UBR1: variants seen among roughly 807,000 people sequenced by gnomAD.
UBR1 encodes the protein ubiquitin protein ligase E3 component n-recognin 1, also known as E3 ubiquitin-protein ligase UBR1.
In UBR1, 102 loss-of-function variants were observed where a neutral mutation model predicts 242.1. The ratio of observed to expected loss-of-function variants is 0.42; its 90% CI spans 0.36 to 0.50. The LOEUF (loss-of-function observed/expected upper bound fraction) is 0.50, where lower values mean the gene tolerates loss of function less well. Ranked by LOEUF, UBR1 falls within the 20% of genes least tolerant of loss-of-function variation. UBR1 has a pLI of 0.01. For synonymous variants in UBR1, 675 were observed against 684.8 expected (o/e 0.99, Z 0.22); for missense variants, 1,772 against 2,101.8 (o/e 0.84, Z 3.07).
intron 43 of UBR1, among the ~76,000 whole-genome samples, chr15:42,959,598 T>C (rs1019476509): frequency 1.3e-5 from 2 of 152,314 alleles, no homozygotes; most frequent in Non-Finnish European, 2.9e-5. Context: ...GCTGGGTAAA[T>C]AGCAGATGTA....
chr15:42,947,955 A>C (rs1180214638), intron 46 of UBR1, among the ~76,000 whole-genome samples: 1 of 152,172 alleles, frequency 6.6e-6, no homozygotes, highest in Non-Finnish European at 1.5e-5. Context: ...ATATGGAACC[A>C]AAAAAGAGCC....
chr15:43,078,597 T>G (rs921216184), intron 3 of UBR1, among the ~76,000 whole-genome samples: 1 of 152,118 alleles, frequency 6.6e-6, no homozygotes, highest in Admixed American at 6.5e-5. Flanking sequence ...AACACAATGC[T>G]CCAAACTCAA....
In UBR1 at chr15:43,022,718, A is replaced by G. The variant is rs149061186; in HGVS notation, c.2823T>C (p.Phe941=). The stretch of plus-strand genomic sequence containing the variant: ...CAAACATACTTGAAGCCTTATGATA[A>G]AAGTCAAATGTTACTTCTTCTTCAG... ...KAPEEEVTFD[F]YHKASRLGSS... is the part of the protein sequence containing the mutation. Residue 941 remains phenylalanine (F), a synonymous_variant, in exon 26 of 47, where the codon TTT becomes TTC. Transcript: ENST00000290650. 971 of 1,611,314 alleles carry G rather than the reference A, an allele frequency of 6.0e-4. 1 individual carries two copies. The Middle Eastern group carries it at 0.01, about 17-fold the overall frequency.
At chr15:43,086,293 A>G in intron 1 of UBR1, 53 bp from the exon 2 acceptor site, 1 of 1,588,002 alleles carries the variant, frequency 6.3e-7, no homozygotes, top group Non-Finnish European at 8.6e-7. Context: ...CTTCTTAATC[A>G]TCTAGGGGCA....
chr15:42,948,167 A>T (rs1309632895), intron 46 of UBR1, among the ~76,000 whole-genome samples: 3 of 152,210 alleles, frequency 2.0e-5, no homozygotes, highest in Admixed American at 6.5e-5. Context: ...CCTGAGAAAA[A>T]CAAGCAATGG....
rs182940505 is a variant in UBR1, at chr15:43,078,085, G to C, written c.418-2996C>G. Among the ~76,000 whole-genome samples the C allele has an allele frequency of 3.9e-5, 6 of 152,284 alleles. No homozygotes were observed. The East Asian group carries it at 1.2e-3, about 29-fold the overall frequency. ...GGAGCTTAAAAGACTCCATGAAAAA[G>C]TACAGAGGTGCAGAGGACTTAGAAG... On this transcript the variant is annotated intron_variant, in intron 3 of 46. Transcript: ENST00000290650.
intron 37 of UBR1, among the ~76,000 whole-genome samples, chr15:42,980,530 T>G (rs780750981): frequency 8.5e-5 from 13 of 152,136 alleles, no homozygotes; most frequent in Non-Finnish European, 1.5e-4. Context: ...TAGATTTTAT[T>G]TAAAAATTCT....
intron 40 of UBR1, among the ~76,000 whole-genome samples, chr15:42,967,058 T>C (rs570062872): frequency 5.7e-4 from 86 of 151,844 alleles, no homozygotes; most frequent in Admixed American, 4.8e-3. Flanking sequence ...TATCTGGGAC[T>C]AAAGGCACAC....
intron 1 of UBR1, chr15:43,092,036 A>G (rs1425263184): frequency 4.4e-6 from 2 of 454,310 alleles, no homozygotes; most frequent in Non-Finnish European, 8.8e-6. Flanking sequence ...GTGAGCGGAG[A>G]TCATGCCACT....
chr15:43,092,642 C>T (rs1217639507), intron 1 of UBR1, among the ~76,000 whole-genome samples: 1 of 152,112 alleles, frequency 6.6e-6, no homozygotes, highest in Non-Finnish European at 1.5e-5. Context: ...CAACCTCTGC[C>T]CCCTGGGTTC....
At chr15:43,080,727 G>C (rs977667884) in intron 3 of UBR1, among the ~76,000 whole-genome samples, 6 of 152,144 alleles carry the variant, frequency 3.9e-5, no homozygotes, top group Admixed American at 6.5e-5. Context: ...GGCCGAGGTG[G>C]GTGGATCACT....
At chr15:43,018,159 C>T (rs926166080) in intron 27 of UBR1, among the ~76,000 whole-genome samples, 3 of 151,802 alleles carry the variant, frequency 2.0e-5, no homozygotes, top group African/African-American at 4.8e-5. Flanking sequence ...CCCGCCATAA[C>T]GCCCGGCTAA....
chr15:43,044,726 A>G (rs1255328016), intron 14 of UBR1, among the ~76,000 whole-genome samples: 2 of 152,132 alleles, frequency 1.3e-5, no homozygotes, highest in African/African-American at 4.8e-5. Context: ...CCCCGTCTCT[A>G]CTAAAAAATA....
chr15:42,996,674 C>T lies in UBR1; in HGVS notation c.3757+1494G>A, dbSNP rs76076387. Among the ~76,000 whole-genome samples, 27 of 152,244 alleles carry T rather than the reference C, an allele frequency of 1.8e-4. No individual in the cohort carries two copies. The East Asian group carries it at 5.0e-3, about 28-fold the overall frequency. On this transcript the variant is annotated intron_variant, in intron 33 of 46. Transcript: ENST00000290650. ...TGGTGATGAGAAATAAAACCATCACCGCTATTTCTTCCTCTGTAGCTTTTG... is the reference window on the plus strand; with the variant it reads ...TGGTGATGAGAAATAAAACCATCACTGCTATTTCTTCCTCTGTAGCTTTTG...
chr15:42,985,633 G>A (rs906976213), intron 35 of UBR1, among the ~76,000 whole-genome samples: 6 of 152,094 alleles, frequency 3.9e-5, no homozygotes, highest in East Asian at 1.9e-4. Context: ...GATTACAGGC[G>A]TGAGCCACTG....
intron 19 of UBR1, among the ~76,000 whole-genome samples, chr15:43,035,280 A>AT (rs932998092): frequency 2.6e-5 from 4 of 152,042 alleles, no homozygotes; most frequent in East Asian, 1.9e-4. Flanking sequence ...TTTTCATGTG[A>AT]TTTTTTTTCT....
Position 43,029,966 on chromosome 15 carries a change from A to G in UBR1, c.2357T>C (p.Ile786Thr), listed in dbSNP as rs765397426. The change falls in exon 21 of 47, where the codon ATT becomes ACT. Residue 786 changes from isoleucine to threonine, a missense_variant. Physicochemically the swap from Ile to Thr is moderately conservative, Grantham distance 89 (BLOSUM62 -1). Around this residue, in one of 3 missense-constraint regions of UBR1, gnomAD observed 73 missense variants for 128.9 expected, o/e 0.57. Transcript: ENST00000290650. ...LCIEPMPHSAIAKNLPENENN... is the reference protein window; with the variant it reads ...LCIEPMPHSATAKNLPENENN... ...TACATTCTCAGGTAAATTTTTGGCAATGGCACTGTGTGGCATGGGTTCAAT... is the reference window on the plus strand; with the variant it reads ...TACATTCTCAGGTAAATTTTTGGCAGTGGCACTGTGTGGCATGGGTTCAAT... 1.2e-6 allele frequency: 2 copies of G among 1,614,016 alleles called. No homozygotes were observed. The highest frequency in any genetic ancestry group is 2.7e-5 in the African/African-American group (2 of 74,934).
intron 34 of UBR1, 84 bp downstream of exon 34, chr15:42,989,942 AAAGT>A: frequency 4.2e-6 from 4 of 946,920 alleles, no homozygotes; most frequent in Non-Finnish European, 6.5e-6. Flanking sequence ...TACAAATAAA[AAAGT>A]AAGGAAAGAT....
At chr15:43,014,743 T>C (rs1308445742) in intron 29 of UBR1, among the ~76,000 whole-genome samples, 1 of 127,132 alleles carries the variant, frequency 7.9e-6, no homozygotes. Flanking sequence ...GTCTGGGAAG[T>C]GAGGACCGTC....
Sources: allele counts gnomAD v4.1 joint callset (sites outside exome capture counted in the v4.1 genomes callset), GRCh38; gene constraint gnomAD v4.1.1; regional missense constraint gnomAD v4.1.1; transcripts MANE v1.5; gene names NCBI Gene and HGNC (gene_info 2026-07-23, HGNC 2026-07-21).